The following FAM167A variants were observed in gnomAD, a reference collection of about 807,000 sequenced individuals.
FAM167A encodes protein FAM167A.
A neutral mutation model predicts 14.9 loss-of-function variants in FAM167A; 23 were observed. The ratio of observed to expected loss-of-function variants is 1.55; its 90% CI spans 1.11 to 2.19. The LOEUF (loss-of-function observed/expected upper bound fraction) is 2.19. FAM167A is among the 30% of genes most tolerant of loss of function. FAM167A has a pLI of 0.00. For missense variants in FAM167A, 401 were observed against 281.5 expected, an observed-to-expected ratio of 1.42 and a Z score of -3.04; for synonymous variants, 174 against 117.7, an observed-to-expected ratio of 1.48 and a Z score of -3.10.
chr8:11,430,578 T>C (rs1482170125), intron 2 of FAM167A, among the ~76,000 whole-genome samples: 1 of 152,176 alleles, frequency 6.6e-6, no homozygotes, highest in Non-Finnish European at 1.5e-5. Flanking sequence ...TGAAGTCATT[T>C]TGAAAAATTT....
rs557053901 is a variant in FAM167A, at chr8:11,427,407, A to G, written c.382-2771T>C. 3.9e-5 allele frequency among the ~76,000 whole-genome samples: 6 copies of G among 152,204 alleles called. No homozygotes were observed. The South Asian group carries it at 6.2e-4, about 16-fold the overall frequency. Reference sequence around the variant, plus strand: ...GCCAGCTGCTCCTACTTGACTCGAGATCTGAATCCTTCTCACTATTTCCTC... The same window carrying G: ...GCCAGCTGCTCCTACTTGACTCGAGGTCTGAATCCTTCTCACTATTTCCTC... On this transcript the variant is annotated intron_variant, in intron 2 of 2. Transcript: ENST00000284486.
rs552964811 is a variant in FAM167A, at chr8:11,449,159, C to A, written c.-397-4351G>T. Reference sequence around the variant, plus strand: ...AGTTGCTCAAGCAGCATGTGTTTTCCTGGTCGTCAGTGTTTGGGGAGCACT... The same window carrying A: ...AGTTGCTCAAGCAGCATGTGTTTTCATGGTCGTCAGTGTTTGGGGAGCACT... On this transcript the variant is annotated intron_variant, in intron 1 of 2. Coordinates refer to ENST00000284486, the MANE Select transcript of FAM167A (RefSeq NM_053279.3). 3.0e-4 allele frequency among the ~76,000 whole-genome samples: 45 copies of A among 152,368 alleles called. 2 individuals are homozygous for A. In the South Asian group the frequency reaches 9.1e-3, roughly 31 times the overall value.
chr8:11,456,509 G>A lies in FAM167A; in HGVS notation c.-398+10117C>T, dbSNP rs532334616. Among the ~76,000 whole-genome samples the A allele has an allele frequency of 2.9e-3, 426 of 144,900 alleles. 5 individuals carry two copies. The highest frequency in any genetic ancestry group is 0.01 in the African/African-American group (389 of 38,780). On this transcript the variant is annotated intron_variant, in intron 1 of 2. Coordinates refer to ENST00000284486, the MANE Select transcript of FAM167A (RefSeq NM_053279.3). ...GTTGCCCTGATGGGTGTGTGAGTGT[G>A]AGTGTGGGGGCTGGCTGCCCTGCTG...
chr8:11,431,215 AAGGAAG>A (rs1210238207), intron 2 of FAM167A, among the ~76,000 whole-genome samples: 1 of 152,396 alleles, frequency 6.6e-6, no homozygotes, highest in East Asian at 1.9e-4. Flanking sequence ...CAGCCTTGAA[AAGGAAG>A]ACAATCCTGG....
At position 11,422,731 on chromosome 8, in the gene FAM167A, A is replaced by ACG. The variant is rs1408099244; in HGVS notation, c.*1640_*1641dup. ...AAGCAACCTCTCCCCTATGTGGGTCACGATGTGTGGGTGGACACGGGCCCC... is the reference window on the plus strand; with the variant it reads ...AAGCAACCTCTCCCCTATGTGGGTCACGCGATGTGTGGGTGGACACGGGCCCC... On this transcript the variant is annotated 3_prime_UTR_variant, in exon 3 of 3. Transcript: ENST00000284486. 1 of 152,278 alleles carries ACG rather than the reference A, an allele frequency of 6.6e-6. No individual in the cohort carries two copies. Among genetic ancestry groups the ACG allele is most frequent in the Admixed American group, 6.5e-5 (1 of 15,288 alleles). The allele number at this position is 152,278 out of a possible 1,614,324, so 9.4% of individuals were successfully genotyped here.
intron 1 of FAM167A, among the ~76,000 whole-genome samples, chr8:11,464,221 C>G (rs1807660491): frequency 6.6e-6 from 1 of 152,160 alleles, no homozygotes; most frequent in Non-Finnish European, 1.5e-5. Flanking sequence ...CTCTCCAACA[C>G]TTCTCCAGAG....
intron 2 of FAM167A, among the ~76,000 whole-genome samples, chr8:11,439,340 T>C (rs1431530090): frequency 6.6e-6 from 1 of 152,232 alleles, no homozygotes. Context: ...TGACCTGCCA[T>C]TTGGCCACAC....
chr8:11,472,742 T>C (rs1300701563), intron 1 of FAM167A, among the ~76,000 whole-genome samples: 1 of 152,198 alleles, frequency 6.6e-6, no homozygotes, highest in Non-Finnish European at 1.5e-5. Context: ...TGGGCTCTTT[T>C]ACTAACTGGA....
chr8:11,451,035 T>C (rs1362744892), intron 1 of FAM167A, among the ~76,000 whole-genome samples: 1 of 152,220 alleles, frequency 6.6e-6, no homozygotes, highest in Non-Finnish European at 1.5e-5. Context: ...GATGAGGTCA[T>C]TTCCATCCAG....
chr8:11,446,920 G>A (rs1383232946), intron 1 of FAM167A, among the ~76,000 whole-genome samples: 2 of 152,200 alleles, frequency 1.3e-5, no homozygotes, highest in Non-Finnish European at 2.9e-5. Context: ...GGGGAGCTCT[G>A]ATTAGATCCA....
chr8:11,439,305 T>G (rs1204191682), intron 2 of FAM167A, among the ~76,000 whole-genome samples: 2 of 152,230 alleles, frequency 1.3e-5, no homozygotes, highest in African/African-American at 2.4e-5. Context: ...ATCGCCCACT[T>G]CCCGTCGGAA....
chr8:11,426,418 C>T (rs976500829), intron 2 of FAM167A, among the ~76,000 whole-genome samples: 3 of 152,162 alleles, frequency 2.0e-5, no homozygotes, highest in Non-Finnish European at 4.4e-5. Flanking sequence ...GAATAAACCT[C>T]TTTAAGTATT....
rs1804958987 is a variant in FAM167A, at chr8:11,424,122, C to G, written c.*251G>C. ...TGGGAACCCAGGTCTCCTTTAACAT[C>G]TTGGTTGGAGCGGCCCTTCTGCAGA... is the stretch of plus-strand genomic sequence containing the variant. On this transcript the variant is annotated 3_prime_UTR_variant, in exon 3 of 3. Coordinates refer to ENST00000284486, the MANE Select transcript of FAM167A (RefSeq NM_053279.3). 1 of 497,908 alleles carries G rather than the reference C, an allele frequency of 2.0e-6. No homozygotes were observed. Among genetic ancestry groups the G allele is most frequent in the South Asian group, 2.7e-5 (1 of 36,838 alleles). 30.8% of individuals were successfully genotyped at this position (497,908 alleles called of 1,614,324 possible).
At chr8:11,473,833 G>C (rs1160977338) in intron 1 of FAM167A, among the ~76,000 whole-genome samples, 4 of 152,138 alleles carry the variant, frequency 2.6e-5, no homozygotes. Context: ...CACAGGGAAT[G>C]GTGGTTTTTT....
chr8:11,461,697 T>A (rs1807546556), intron 1 of FAM167A, among the ~76,000 whole-genome samples: 1 of 152,200 alleles, frequency 6.6e-6, no homozygotes, highest in Admixed American at 6.5e-5. Flanking sequence ...ACAAGGCAGA[T>A]CTAGGACTAT....
chr8:11,454,578 A>T (rs934751245), intron 1 of FAM167A, among the ~76,000 whole-genome samples: 2 of 152,208 alleles, frequency 1.3e-5, no homozygotes, highest in East Asian at 3.9e-4. Context: ...AGAGGCTCTA[A>T]GGGGTTTCAT....
intron 1 of FAM167A, among the ~76,000 whole-genome samples, chr8:11,454,389 G>A (rs1215445025): frequency 6.6e-6 from 1 of 152,244 alleles, no homozygotes; most frequent in African/African-American, 2.4e-5. Flanking sequence ...AGGGGTGGCA[G>A]GAAGAGGCAT....
chr8:11,463,744 G>T (rs1036817105), intron 1 of FAM167A, among the ~76,000 whole-genome samples: 1 of 152,168 alleles, frequency 6.6e-6, no homozygotes, highest in Non-Finnish European at 1.5e-5. Context: ...AAGAAATGGG[G>T]GCTTGGTCCA....
intron 1 of FAM167A, among the ~76,000 whole-genome samples, chr8:11,448,141 C>T (rs1806866682): frequency 4.0e-5 from 6 of 151,176 alleles, no homozygotes; most frequent in Admixed American, 3.3e-4. Flanking sequence ...TTGCAGTGAG[C>T]CAAGATCGCA....
Sources: gnomAD v4.1 joint callset for allele counts (sites outside exome capture counted in the v4.1 genomes callset) on GRCh38, gnomAD v4.1.1 for gene constraint, MANE v1.5 for transcripts, NCBI Gene and HGNC (gene_info 2026-07-23, HGNC 2026-07-21) for gene names.